The following CDYL2 variants were observed in gnomAD, a reference collection of about 807,000 sequenced individuals.
The protein encoded by CDYL2 is chromodomain Y like 2, also known as chromodomain Y-like protein 2.
A neutral mutation model predicts 49.4 loss-of-function variants in CDYL2; 23 were observed. The observed-to-expected ratio is 0.47, with a 90% CI of 0.34 to 0.66. The LOEUF is 0.66. Ranked by LOEUF, CDYL2 falls within the 30% of genes least tolerant of loss-of-function variation. The probability of loss-of-function intolerance (pLI) is 0.01; values close to 1 mark genes in which losing one functional copy is unlikely to be tolerated. For synonymous variants in CDYL2, 360 were observed against 268.8 expected, an observed-to-expected ratio of 1.34 and a Z score of -3.32; for missense variants, 678 against 656.4, an observed-to-expected ratio of 1.03 and a Z score of -0.36.
chr16:80,715,937 C>A (rs1904783105), intron 1 of CDYL2, among the ~76,000 whole-genome samples: 1 of 152,192 alleles, frequency 6.6e-6, no homozygotes, highest in South Asian at 2.1e-4. Context: ...AGATTCTAAG[C>A]CAGACTTCCT....
At chr16:80,803,722 C>G (rs1228127908) in intron 1 of CDYL2, among the ~76,000 whole-genome samples, 1 of 143,820 alleles carries the variant, frequency 7.0e-6, no homozygotes, top group Non-Finnish European at 1.5e-5. Context: ...CCCACACCCC[C>G]GCCGGCCGCG....
chr16:80,705,636 T>C (rs1236353940), intron 1 of CDYL2, among the ~76,000 whole-genome samples: 4 of 152,282 alleles, frequency 2.6e-5, no homozygotes, highest in African/African-American at 9.6e-5. Flanking sequence ...GGCATTATTA[T>C]AAACCAATGG....
At chr16:80,666,208 A>C (rs978629971) in intron 2 of CDYL2, among the ~76,000 whole-genome samples, 2 of 152,180 alleles carry the variant, frequency 1.3e-5, no homozygotes, top group African/African-American at 4.8e-5. Context: ...GAACACACGG[A>C]GCCTCTTTCT....
intron 6 of CDYL2, among the ~76,000 whole-genome samples, chr16:80,605,181 T>C (rs930381034): frequency 6.6e-6 from 1 of 151,862 alleles, no homozygotes; most frequent in African/African-American, 2.4e-5. Context: ...ATAAATGTAG[T>C]AGCTGCTGTC....
intron 1 of CDYL2, among the ~76,000 whole-genome samples, chr16:80,772,779 C>T (rs1207465835): frequency 6.6e-6 from 1 of 151,978 alleles, no homozygotes; most frequent in Non-Finnish European, 1.5e-5. Context: ...TAGAATTTAA[C>T]TCAAGTATAC....
At chr16:80,622,958 T>C (rs1298430877) in intron 3 of CDYL2, among the ~76,000 whole-genome samples, 1 of 152,168 alleles carries the variant, frequency 6.6e-6, no homozygotes, top group Non-Finnish European at 1.5e-5. Flanking sequence ...ATTAGCTCCA[T>C]TTTATAGAAA....
chr16:80,752,729 G>A (rs887596761), intron 1 of CDYL2, among the ~76,000 whole-genome samples: 1 of 152,230 alleles, frequency 6.6e-6, no homozygotes, highest in Non-Finnish European at 1.5e-5. Flanking sequence ...AACAAAGCGG[G>A]AAAGCTCTGT....
At chr16:80,680,478 G>A (rs74028395) in intron 2 of CDYL2, among the ~76,000 whole-genome samples, 2 of 152,134 alleles carry the variant, frequency 1.3e-5, no homozygotes, top group African/African-American at 4.8e-5. Context: ...GTAAAGGCTC[G>A]TGTGAATCCA....
At chr16:80,681,467 T>A (rs1479337337) in intron 2 of CDYL2, among the ~76,000 whole-genome samples, 1 of 152,198 alleles carries the variant, frequency 6.6e-6, no homozygotes, top group East Asian at 1.9e-4. Flanking sequence ...GGACTACACC[T>A]CTGGCCTGTT....
At chr16:80,702,550 G>C (rs1366672657) in intron 1 of CDYL2, among the ~76,000 whole-genome samples, 1 of 152,140 alleles carries the variant, frequency 6.6e-6, no homozygotes, top group Non-Finnish European at 1.5e-5. Context: ...AGGAGTTTCA[G>C]ACCATCCTGC....
rs1910370447 is a variant in CDYL2, at chr16:80,690,430, C to A, written c.25-5301G>T. 2.0e-5 allele frequency among the ~76,000 whole-genome samples: 3 copies of A among 152,302 alleles called. No individual in the cohort carries two copies. The South Asian group carries it at 6.2e-4, about 32-fold the overall frequency. On this transcript the variant is annotated intron_variant, in intron 1 of 6. Transcript: ENST00000570137. ...AACCTTGATTCAGCATGACTAAGGGCCAGCTGCTGCTGTACTTGATCCCTA... is the reference window on the plus strand; with the variant it reads ...AACCTTGATTCAGCATGACTAAGGGACAGCTGCTGCTGTACTTGATCCCTA...
At chr16:80,622,813 C>T (rs753588042) in intron 3 of CDYL2, among the ~76,000 whole-genome samples, 1 of 152,168 alleles carries the variant, frequency 6.6e-6, no homozygotes, top group African/African-American at 2.4e-5. Flanking sequence ...ACTGTGTTTG[C>T]GCTCTTCAAA....
chr16:80,633,584 T>C (rs1199078914), intron 2 of CDYL2, among the ~76,000 whole-genome samples: 2 of 152,156 alleles, frequency 1.3e-5, no homozygotes, highest in African/African-American at 2.4e-5. Flanking sequence ...CTATGAATCA[T>C]AGGAAATTAT....
At chr16:80,692,556 G>C (rs2142488815) in intron 1 of CDYL2, among the ~76,000 whole-genome samples, 2 of 152,238 alleles carry the variant, frequency 1.3e-5, no homozygotes, top group Admixed American at 1.3e-4. Flanking sequence ...TACATATTAG[G>C]ATTAATGCTA....
chr16:80,662,161 A>G (rs1187916304), intron 2 of CDYL2, among the ~76,000 whole-genome samples: 3 of 152,218 alleles, frequency 2.0e-5, no homozygotes, highest in African/African-American at 7.2e-5. Context: ...TCTCACACCT[A>G]GATGACTAAC....
chr16:80,636,155 A>C (rs13331892), intron 2 of CDYL2, among the ~76,000 whole-genome samples: 9,007 of 152,194 alleles, frequency 0.059, 817 homozygotes, highest in African/African-American at 0.2. Flanking sequence ...TGGGCAAAGA[A>C]TTCATGATTA....
rs1905955968 is a variant in CDYL2 at position 80,598,906 on chromosome 16, T to C, written c.*5482A>G. On this transcript the variant is annotated 3_prime_UTR_variant, in exon 7 of 7. Coordinates refer to ENST00000570137, the MANE Select transcript of CDYL2 (RefSeq NM_152342.4). Reference sequence around the variant, plus strand: ...AGGCTTTGTTAGAATAATGGAATTCTTTGGTTCTCGGTTTTATGAAAGGCA... The same window carrying C: ...AGGCTTTGTTAGAATAATGGAATTCCTTGGTTCTCGGTTTTATGAAAGGCA... 6.6e-6 allele frequency: 1 copy of C among 152,148 alleles called. No homozygotes were observed. Among genetic ancestry groups the C allele is most frequent in the African/African-American group, 2.4e-5 (1 of 41,416 alleles). The allele number at this position is 152,148 out of a possible 1,614,324, so 9.4% of individuals were successfully genotyped here.
intron 1 of CDYL2, among the ~76,000 whole-genome samples, chr16:80,774,560 CA>C (rs1040099130): frequency 1.3e-5 from 2 of 150,872 alleles, no homozygotes; most frequent in Non-Finnish European, 3.0e-5. Flanking sequence ...GTTCATACCA[CA>C]AAAAAAAGAT....
At chr16:80,744,871 C>A (rs1905872285) in intron 1 of CDYL2, among the ~76,000 whole-genome samples, 1 of 152,168 alleles carries the variant, frequency 6.6e-6, no homozygotes, top group Admixed American at 6.5e-5. Context: ...ACCCACAGTC[C>A]TCCTGCAGTG....
Sources: allele counts gnomAD v4.1 joint callset (sites outside exome capture counted in the v4.1 genomes callset), GRCh38; gene constraint gnomAD v4.1.1; transcripts MANE v1.5; gene names NCBI Gene and HGNC (gene_info 2026-07-23, HGNC 2026-07-21).